Variants in DDX1 observed in about 807,000 individuals in gnomAD.
DDX1 encodes DEAD-box helicase 1, also known as ATP-dependent RNA helicase DDX1.
In DDX1, 28 loss-of-function variants were observed where a neutral mutation model predicts 108.7. That is an observed-to-expected ratio of 0.26 (90% CI 0.19 to 0.35). The LOEUF (loss-of-function observed/expected upper bound fraction) is 0.35, where lower values mean the gene tolerates loss of function less well. DDX1 is among the 10% of genes least tolerant of loss of function. The pLI is 1.00. For synonymous variants in DDX1, 295 were observed against 288.9 expected, an observed-to-expected ratio of 1.02 and a Z score of -0.21; for missense variants, 710 against 884.5, an observed-to-expected ratio of 0.80 and a Z score of 2.50.
At chr2:15,610,039 A>G (rs1349569870) in intron 13 of DDX1, among the ~76,000 whole-genome samples, 2 of 152,142 alleles carry the variant, frequency 1.3e-5, no homozygotes, top group African/African-American at 2.4e-5. Flanking sequence ...GGCTCAAGCA[A>G]TCCTCCCACC....
chr2:15,592,496 T>C (rs1374232194), intron 1 of DDX1, among the ~76,000 whole-genome samples: 30 of 152,352 alleles, frequency 2.0e-4, no homozygotes, highest in Non-Finnish European at 3.1e-4. Flanking sequence ...TCAACATTAA[T>C]GTTCAGTGTT....
At chr2:15,605,402 G>T (rs1053514515) in intron 10 of DDX1, among the ~76,000 whole-genome samples, 3 of 152,150 alleles carry the variant, frequency 2.0e-5, no homozygotes, top group Non-Finnish European at 4.4e-5. Flanking sequence ...TGAAGGATCA[G>T]GGAGCAATCA....
chr2:15,620,487 A>G (rs1665984814), intron 17 of DDX1, 91 bp downstream of exon 17: 2 of 960,204 alleles, frequency 2.1e-6, no homozygotes, highest in Non-Finnish European at 3.1e-6. Flanking sequence ...TAAGGCAATC[A>G]GTTATTGTAT....
chr2:15,623,105 T>C (rs1474549538), intron 18 of DDX1, among the ~76,000 whole-genome samples: 2 of 152,180 alleles, frequency 1.3e-5, no homozygotes, highest in African/African-American at 2.4e-5. Flanking sequence ...TTGTTCTTCA[T>C]GAGAGATAAC....
chr2:15,602,689 G>A, intron 7 of DDX1, 58 bp downstream of exon 7: 3 of 1,281,066 alleles, frequency 2.3e-6, no homozygotes, highest in Non-Finnish European at 3.4e-6. Flanking sequence ...TAATACGTGA[G>A]GGTTTTTTTG....
rs566727943 is a variant in DDX1 at position 15,618,719 on chromosome 2, G to C, written c.1206+449G>C. On this transcript the variant is annotated intron_variant, in intron 16 of 25. Coordinates refer to ENST00000233084, the MANE Select transcript of DDX1 (RefSeq NM_004939.3). Reference sequence around the variant, plus strand: ...TCTGCCTCCTGCTGCTGTTCATGGTGCCCAGACTGTTCATGCCAAGGGACA... The same window carrying C: ...TCTGCCTCCTGCTGCTGTTCATGGTCCCCAGACTGTTCATGCCAAGGGACA... Among the ~76,000 whole-genome samples the C allele has an allele frequency of 6.6e-5, 10 of 152,366 alleles. No individual in the cohort carries two copies. The East Asian group carries it at 1.7e-3, about 26-fold the overall frequency.
chr2:15,627,099 G>C lies in DDX1; in HGVS notation c.1640G>C (p.Gly547Ala), dbSNP rs768600120. 6.2e-7 allele frequency: 1 copy of C among 1,612,094 alleles called. No individual in the cohort carries two copies. Among genetic ancestry groups the C allele is most frequent in the Non-Finnish European group, 8.5e-7 (1 of 1,178,846 alleles). ...CAGTTCTCATGTGTTTGTCTTCATG[G>C]TGACAGAAAGCCTCATGAGAGAAAG... is the stretch of plus-strand genomic sequence containing the variant. The part of the protein sequence containing the change: ...GHQFSCVCLH[G>A]DRKPHERKQN... Residue 547 changes from glycine to alanine, a missense_variant, in exon 20 of 26, where the codon GGT becomes GCT. Coordinates refer to ENST00000233084, the MANE Select transcript of DDX1 (RefSeq NM_004939.3).
chr2:15,592,923 A>C (rs1573033855), intron 1 of DDX1, among the ~76,000 whole-genome samples: 1 of 54,330 alleles, frequency 1.8e-5, no homozygotes, highest in South Asian at 7.9e-4. Context: ...TTTGGGGGGG[A>C]GAATGGGGGG....
chr2:15,596,022 C>G (rs954232430), intron 3 of DDX1, among the ~76,000 whole-genome samples: 9 of 152,048 alleles, frequency 5.9e-5, no homozygotes, highest in African/African-American at 1.9e-4. Flanking sequence ...TTAGGTGGGA[C>G]TACAGGTACA....
intron 14 of DDX1, among the ~76,000 whole-genome samples, chr2:15,614,974 A>G (rs1469653657): frequency 6.6e-6 from 1 of 152,222 alleles, no homozygotes; most frequent in Non-Finnish European, 1.5e-5. Context: ...ATGTCTCAAA[A>G]TTTGGTACTA....
chr2:15,606,101 GT>G, intron 11 of DDX1, 48 bp from the exon 12 acceptor site: 1 of 1,576,478 alleles, frequency 6.3e-7, no homozygotes, highest in Non-Finnish European at 8.7e-7. Flanking sequence ...GTATACGATG[GT>G]TTTCAATTAG....
In DDX1 at chr2:15,627,079, C is replaced by G. The variant is rs201143228; in HGVS notation, c.1620C>G (p.Phe540Leu). The G allele has an allele frequency of 3.4e-5, 54 of 1,611,024 alleles. No homozygotes were observed. The Middle Eastern group carries it at 5.0e-4, about 15-fold the overall frequency. ...GACCTGATAAAAAAGGACACCAGTT[C>G]TCATGTGTTTGTCTTCATGGTGACA... ...GGGPDKKGHQ[F>L]SCVCLHGDRK... Residue 540 changes from phenylalanine to leucine, a missense_variant, in exon 20 of 26, where the codon TTC (phenylalanine) becomes TTG (leucine). Transcript: ENST00000233084.
At chr2:15,593,336 T>A (rs567430273) in intron 1 of DDX1, among the ~76,000 whole-genome samples, 5 of 152,238 alleles carry the variant, frequency 3.3e-5, no homozygotes, top group Non-Finnish European at 7.3e-5. Flanking sequence ...TTCTAGGTAG[T>A]CATTTTATAG....
intron 13 of DDX1, among the ~76,000 whole-genome samples, chr2:15,611,472 C>T (rs1665753700): frequency 1.4e-5 from 2 of 145,706 alleles, no homozygotes; most frequent in Non-Finnish European, 3.0e-5. Context: ...CGGGCAGAGG[C>T]TCCCCCCACC....
chr2:15,597,585 G>C, intron 5 of DDX1, 114 bp downstream of exon 5: 1 of 680,714 alleles, frequency 1.5e-6, no homozygotes, highest in Non-Finnish European at 2.5e-6. Flanking sequence ...TATCTGGGGG[G>C]TGGTATTGGG....
Position 15,621,071 on chromosome 2 carries a change from GATGTAC to G in DDX1, c.1406_1411del (p.Val469_His470del). 1 of 1,606,780 alleles carries G rather than the reference GATGTAC, an allele frequency of 6.2e-7. No individual in the cohort carries two copies. Among genetic ancestry groups the G allele is most frequent in the Non-Finnish European group, 8.5e-7 (1 of 1,174,368 alleles). ...TATTCCTTGCTTTTGATAGACTGAT[GATGTAC>G]ATGCAAAAGATAACACAAGACCTGG... On this transcript the variant is annotated inframe_deletion, in exon 18 of 26. Transcript: ENST00000233084.
chr2:15,611,492 G>C (rs1421992883), intron 13 of DDX1, among the ~76,000 whole-genome samples: 1 of 145,056 alleles, frequency 6.9e-6, no homozygotes, highest in African/African-American at 2.6e-5. Flanking sequence ...CTCCCGGACG[G>C]GGCGGCTGGC....
At chr2:15,611,578 C>T (rs1573043509) in intron 13 of DDX1, among the ~76,000 whole-genome samples, 1 of 127,182 alleles carries the variant, frequency 7.9e-6, no homozygotes. Context: ...CCCCCGACCT[C>T]CCTCCCGGAC....
chr2:15,602,824 C>A (rs1433714531), intron 7 of DDX1, among the ~76,000 whole-genome samples, 193 bp downstream of exon 7: 1 of 152,202 alleles, frequency 6.6e-6, no homozygotes, highest in African/African-American at 2.4e-5. Flanking sequence ...AGCAATTCTC[C>A]TACCGCAGCT....
Sources: gnomAD v4.1 joint callset for allele counts (sites outside exome capture counted in the v4.1 genomes callset) on GRCh38, gnomAD v4.1.1 for gene constraint, MANE v1.5 for transcripts, NCBI Gene and HGNC (gene_info 2026-07-23, HGNC 2026-07-21) for gene names.